Variants in DPYSL3 observed in about 807,000 individuals in gnomAD.
DPYSL3 encodes the protein dihydropyrimidinase like 3.
Under a neutral mutation model 66.1 loss-of-function variants are expected in DPYSL3, and 16 were observed. The observed-to-expected ratio is 0.24, with a 90% CI of 0.16 to 0.37. The LOEUF is 0.37. DPYSL3 is among the 10% of genes least tolerant of loss of function. DPYSL3 has a pLI of 1.00. For missense variants in DPYSL3, 738 were observed against 916.2 expected (o/e 0.81, Z 2.51); for synonymous variants, 338 against 345.1 (o/e 0.98, Z 0.23).
chr5:147,397,220 A>G (rs986441113), intron 12 of DPYSL3, among the ~76,000 whole-genome samples: 6 of 115,950 alleles, frequency 5.2e-5, no homozygotes, highest in African/African-American at 2.2e-4. Context: ...GTTTATATAT[A>G]AAATCAGAGA....
intron 1 of DPYSL3, among the ~76,000 whole-genome samples, chr5:147,472,232 C>T (rs555958304): frequency 1.3e-5 from 2 of 152,286 alleles, no homozygotes; most frequent in South Asian, 4.1e-4. Context: ...TTCAAATGTT[C>T]AGTAATGCTA....
At chr5:147,397,237 G>A (rs1758016864) in intron 12 of DPYSL3, among the ~76,000 whole-genome samples, 1 of 142,230 alleles carries the variant, frequency 7.0e-6, no homozygotes, top group Non-Finnish European at 1.5e-5. Context: ...GAGAAATAAA[G>A]TTTTATTGAA....
chr5:147,404,067 T>A (rs141520537), intron 8 of DPYSL3, among the ~76,000 whole-genome samples: 1 of 152,144 alleles, frequency 6.6e-6, no homozygotes, highest in African/African-American at 2.4e-5. Flanking sequence ...GGCAGGGGTG[T>A]GTGTGTGCGG....
intron 1 of DPYSL3, among the ~76,000 whole-genome samples, chr5:147,496,954 T>A (rs558779163): frequency 1.6e-4 from 25 of 152,298 alleles, no homozygotes; most frequent in Admixed American, 1.4e-3. Context: ...TGCACACGTA[T>A]GTTTATAGTG....
At chr5:147,401,813 C>T in intron 8 of DPYSL3, 117 bp from the exon 9 acceptor site, 2 of 1,300,116 alleles carry the variant, frequency 1.5e-6, no homozygotes, top group South Asian at 1.5e-5. Context: ...TCAGACTGAC[C>T]TGGGTTCAAG....
intron 1 of DPYSL3, among the ~76,000 whole-genome samples, chr5:147,499,521 G>C (rs1753571878): frequency 6.6e-6 from 1 of 152,088 alleles, no homozygotes; most frequent in South Asian, 2.1e-4. Context: ...GATCCATATG[G>C]GGAAAGCTAC....
Position 147,482,153 on chromosome 5 carries a change from A to C in DPYSL3, c.381+27325T>G, listed in dbSNP as rs183753694. ...TTTGTTATAACCAGCAACAACATGC[A>C]AGGATACCCAAAACCCATGGTTCCC... On this transcript the variant is annotated intron_variant, in intron 1 of 13. Coordinates refer to ENST00000343218, the MANE Select transcript of DPYSL3 (RefSeq NM_001197294.2). Among the ~76,000 whole-genome samples, 188 of 152,320 alleles carry C rather than the reference A, an allele frequency of 1.2e-3. 1 individual carries two copies. The highest frequency in any genetic ancestry group is 4.5e-3 in the African/African-American group (186 of 41,578).
At chr5:147,434,626 A>G (rs1752382870) in intron 1 of DPYSL3, among the ~76,000 whole-genome samples, 1 of 152,188 alleles carries the variant, frequency 6.6e-6, no homozygotes, top group African/African-American at 2.4e-5. Flanking sequence ...TAGAGAAGTA[A>G]AGATAAAACA....
intron 1 of DPYSL3, chr5:147,453,541 G>A (rs1245445314): frequency 4.6e-6 from 7 of 1,532,230 alleles, no homozygotes; most frequent in South Asian, 2.5e-5. Flanking sequence ...AGCGGCGCCC[G>A]GACTCACCGT....
chr5:147,496,252 G>C (rs1276200908), intron 1 of DPYSL3, among the ~76,000 whole-genome samples: 1 of 152,174 alleles, frequency 6.6e-6, no homozygotes, highest in East Asian at 1.9e-4. Context: ...ATTAATTCAA[G>C]ATGGATTAAA....
chr5:147,492,421 G>T (rs1438051248), intron 1 of DPYSL3, among the ~76,000 whole-genome samples: 1 of 151,998 alleles, frequency 6.6e-6, no homozygotes, highest in Non-Finnish European at 1.5e-5. Flanking sequence ...ACAGATAACA[G>T]TTTATTCAAA....
chr5:147,497,164 A>G (rs1346428034), intron 1 of DPYSL3, among the ~76,000 whole-genome samples: 2 of 149,718 alleles, frequency 1.3e-5, no homozygotes, highest in Non-Finnish European at 3.0e-5. Flanking sequence ...AAAACCAAAC[A>G]CTGCATGTTC....
intron 1 of DPYSL3, among the ~76,000 whole-genome samples, chr5:147,452,120 C>T (rs545660263): frequency 2.0e-5 from 3 of 152,272 alleles, no homozygotes; most frequent in African/African-American, 7.2e-5. Context: ...TGAAGTGAAG[C>T]TCAGTTGCAT....
chr5:147,445,257 G>A (rs1009425191), intron 1 of DPYSL3, among the ~76,000 whole-genome samples: 1 of 152,190 alleles, frequency 6.6e-6, no homozygotes, highest in South Asian at 2.1e-4. Context: ...AGTGATGGAT[G>A]GACTTTCTGG....
At chr5:147,413,423 C>T (rs955543020) in intron 5 of DPYSL3, among the ~76,000 whole-genome samples, 173 bp downstream of exon 5, 5 of 152,172 alleles carry the variant, frequency 3.3e-5, no homozygotes, top group Admixed American at 3.3e-4. Context: ...CATGGGCACC[C>T]TGCCTGTTAC....
intron 1 of DPYSL3, among the ~76,000 whole-genome samples, chr5:147,466,858 G>A (rs1317819641): frequency 6.6e-6 from 1 of 152,170 alleles, no homozygotes; most frequent in Non-Finnish European, 1.5e-5. Context: ...CGTTTTGCGG[G>A]GGAAAGTAGG....
intron 1 of DPYSL3, among the ~76,000 whole-genome samples, chr5:147,500,973 C>A (rs1438496840): frequency 6.6e-6 from 1 of 152,194 alleles, no homozygotes; most frequent in Admixed American, 6.5e-5. Flanking sequence ...TTGGTATTTA[C>A]CTAAATGAAC....
chr5:147,452,414 T>C (rs1289806364), intron 1 of DPYSL3, among the ~76,000 whole-genome samples: 1 of 151,290 alleles, frequency 6.6e-6, no homozygotes, highest in Non-Finnish European at 1.5e-5. Flanking sequence ...CTTGCAAAGA[T>C]GGAGTAGCCA....
chr5:147,419,899 C>G (rs941381779), intron 2 of DPYSL3, among the ~76,000 whole-genome samples: 2 of 152,190 alleles, frequency 1.3e-5, no homozygotes, highest in Admixed American at 1.3e-4. Context: ...TCTCATTTTT[C>G]TCTCTCACAG....
Sources: gnomAD v4.1 joint callset for allele counts (sites outside exome capture counted in the v4.1 genomes callset) on GRCh38, gnomAD v4.1.1 for gene constraint, MANE v1.5 for transcripts, NCBI Gene and HGNC (gene_info 2026-07-23, HGNC 2026-07-21) for gene names.